Variants in ADGRG6 observed in about 807,000 individuals in gnomAD.
The protein encoded by ADGRG6 is adhesion G protein-coupled receptor G6.
Under a neutral mutation model 142.4 loss-of-function variants are expected in ADGRG6, and 84 were observed. The observed-to-expected ratio is 0.59, with a 90% CI of 0.49 to 0.71. The LOEUF is 0.71. ADGRG6 is among the 30% of genes least tolerant of loss of function. The probability of loss-of-function intolerance (pLI) is 0.00; values close to 1 mark genes in which losing one functional copy is unlikely to be tolerated. For missense variants in ADGRG6, 1,367 were observed against 1,466.6 expected (o/e 0.93, Z 1.11); for synonymous variants, 521 against 520.5 (o/e 1.00, Z -0.01).
Position 142,302,510 on chromosome 6 carries a change from A to G in ADGRG6, c.2+179A>G, listed in dbSNP as rs115240560. 0.013 allele frequency: 7,547 copies of G among 590,660 alleles called. 148 individuals are homozygous for G. The highest frequency in any genetic ancestry group is 0.057 in the African/African-American group (3,031 of 52,768). 36.6% of individuals were successfully genotyped at this position (590,660 alleles called of 1,614,324 possible). On this transcript the variant is annotated intron_variant, in intron 1 of 24. Transcript: ENST00000367609. ...CCTCGAGGCACTGAGGAGTAGGACT[A>G]TTGCCAAGTGGAGTTGTGACATGTG...
At chr6:142,377,510 G>A (rs769893647) in intron 4 of ADGRG6, among the ~76,000 whole-genome samples, 4 of 152,236 alleles carry the variant, frequency 2.6e-5, no homozygotes, top group Non-Finnish European at 5.9e-5. Context: ...GCGGGTGGGA[G>A]ATTCTCCGGG....
chr6:142,385,490 TA>T (rs1161149149), intron 6 of ADGRG6, among the ~76,000 whole-genome samples: 2 of 152,226 alleles, frequency 1.3e-5, no homozygotes, highest in Non-Finnish European at 2.9e-5. Context: ...TACTATTTAC[TA>T]TGTTTTTTTT....
At chr6:142,327,770 T>A (rs1310964531) in intron 2 of ADGRG6, among the ~76,000 whole-genome samples, 1 of 152,158 alleles carries the variant, frequency 6.6e-6, no homozygotes. Flanking sequence ...GAAATATGCC[T>A]CCATGACTCA....
chr6:142,422,397 G>A, intron 22 of ADGRG6, among the ~76,000 whole-genome samples: 1 of 151,926 alleles, frequency 6.6e-6, no homozygotes, highest in Non-Finnish European at 1.5e-5. Flanking sequence ...TCCCACCTAT[G>A]AGTGACAATA....
intron 1 of ADGRG6, among the ~76,000 whole-genome samples, chr6:142,303,910 G>C (rs1411778632): frequency 6.6e-6 from 1 of 152,080 alleles, no homozygotes; most frequent in Non-Finnish European, 1.5e-5. Flanking sequence ...AAAAAATCAT[G>C]TCATTATAGG....
At chr6:142,318,997 C>T (rs1356940788) in intron 2 of ADGRG6, among the ~76,000 whole-genome samples, 1 of 152,066 alleles carries the variant, frequency 6.6e-6, no homozygotes, top group East Asian at 1.9e-4. Context: ...AAGATGAATG[C>T]TGAAGGGCAC....
intron 2 of ADGRG6, among the ~76,000 whole-genome samples, chr6:142,315,925 T>G (rs1368004381): frequency 6.6e-6 from 1 of 152,098 alleles, no homozygotes; most frequent in South Asian, 2.1e-4. Context: ...CAGGTTAACC[T>G]TAACCATCTC....
At chr6:142,411,217 GA>G (rs1385423480) in intron 17 of ADGRG6, 87 bp from the exon 18 acceptor site, 32 of 753,526 alleles carry the variant, frequency 4.2e-5, no homozygotes, top group Non-Finnish European at 7.1e-5. Flanking sequence ...AGAAGAGACT[GA>G]GGCAAATTTC....
intron 21 of ADGRG6, among the ~76,000 whole-genome samples, chr6:142,418,907 C>T (rs1776512829): frequency 6.6e-6 from 1 of 152,062 alleles, no homozygotes; most frequent in Admixed American, 6.6e-5. Flanking sequence ...TATTATTTGA[C>T]AACTTTGCAT....
In ADGRG6 at chr6:142,419,988, GC is replaced by G. The variant is rs1776583388; in HGVS notation, c.3204del (p.Ser1069ValfsTer5). On this transcript the variant is annotated frameshift_variant, in exon 22 of 25. Coordinates refer to ENST00000367609, the MANE Select transcript of ADGRG6 (RefSeq NM_198569.3). LOFTEE classifies it high-confidence loss of function. ...TLREEVLRNL[R>X]SVVSLTFLLG... ...AGAGAAGAAGTGTTAAGGAACCTGCGCAGTGTGGTTAGCTTGACCTTTCTGT... is the reference window on the plus strand; with the variant it reads ...AGAGAAGAAGTGTTAAGGAACCTGCGAGTGTGGTTAGCTTGACCTTTCTGT... The G allele has an allele frequency of 4.3e-6, 7 of 1,613,544 alleles. No individual in the cohort carries two copies. Among genetic ancestry groups the G allele is most frequent in the Non-Finnish European group, 5.9e-6 (7 of 1,179,610 alleles).
intron 16 of ADGRG6, among the ~76,000 whole-genome samples, chr6:142,409,595 T>G (rs1311930108): frequency 6.6e-6 from 1 of 152,098 alleles, no homozygotes; most frequent in Non-Finnish European, 1.5e-5. Context: ...ATGCTAAGAA[T>G]GAGAGTAGAA....
At chr6:142,404,150 T>A in intron 14 of ADGRG6, 177 bp downstream of exon 14, 1 of 587,484 alleles carries the variant, frequency 1.7e-6, no homozygotes, top group Non-Finnish European at 3.0e-6. Flanking sequence ...TCAGAGTGGG[T>A]ATGCTTTCAT....
At chr6:142,396,575 A>G (rs1315117646) in intron 9 of ADGRG6, among the ~76,000 whole-genome samples, 1 of 152,182 alleles carries the variant, frequency 6.6e-6, no homozygotes, top group Non-Finnish European at 1.5e-5. Flanking sequence ...AGTTTCATAA[A>G]TAAAATGTCA....
intron 2 of ADGRG6, among the ~76,000 whole-genome samples, chr6:142,322,207 C>T (rs1778551759): frequency 6.6e-6 from 1 of 151,970 alleles, no homozygotes; most frequent in African/African-American, 2.4e-5. Flanking sequence ...CTAGACCAGT[C>T]CAGGCAACAT....
intron 1 of ADGRG6, 135 bp downstream of exon 1, chr6:142,302,466 G>C (rs1582943952): frequency 1.1e-6 from 1 of 927,812 alleles, no homozygotes; most frequent in East Asian, 2.7e-5. Flanking sequence ...GGAATAAACC[G>C]GTTTGTCTTC....
At chr6:142,338,013 C>CTTTGTTTTTTTTTTT (rs1779408790) in intron 2 of ADGRG6, among the ~76,000 whole-genome samples, 1 of 26,078 alleles carries the variant, frequency 3.8e-5, no homozygotes, top group Non-Finnish European at 6.9e-5. Context: ...TGCCTTGTAT[C>CTTTGTTTTTTTTTTT]TTTGTTTTTT....
At chr6:142,385,315 C>T (rs555781916) in intron 6 of ADGRG6, among the ~76,000 whole-genome samples, 2 of 152,216 alleles carry the variant, frequency 1.3e-5, no homozygotes, top group East Asian at 3.9e-4. Flanking sequence ...TCTGTCTTGA[C>T]CACATTAATG....
intron 6 of ADGRG6, among the ~76,000 whole-genome samples, chr6:142,386,508 C>T (rs186880759): frequency 6.6e-6 from 1 of 152,154 alleles, no homozygotes; most frequent in Non-Finnish European, 1.5e-5. Flanking sequence ...TGACTGCAGT[C>T]TTAGTGGCGG....
At chr6:142,404,839 G>C (rs2115028344) in intron 14 of ADGRG6, among the ~76,000 whole-genome samples, 1 of 152,244 alleles carries the variant, frequency 6.6e-6, no homozygotes, top group African/African-American at 2.4e-5. Context: ...GTCTGGGATA[G>C]CAGGTGACAG....
Sources: allele counts gnomAD v4.1 joint callset (sites outside exome capture counted in the v4.1 genomes callset), GRCh38; gene constraint gnomAD v4.1.1; transcripts MANE v1.5; gene names NCBI Gene and HGNC (gene_info 2026-07-23, HGNC 2026-07-21).